CNR2: variants seen among roughly 807,000 people sequenced by gnomAD.
The protein encoded by CNR2 is cannabinoid receptor 2 (macrophage).
For missense variants in CNR2, 379 were observed against 439.9 expected (o/e 0.86, Z 1.24); for synonymous variants, 172 against 182.2 (o/e 0.94, Z 0.45).
In CNR2 at chr1:23,913,302, T is replaced by G. The variant is rs1403003920; in HGVS notation, c.-102A>C. On this transcript the variant is annotated 5_prime_UTR_variant, in exon 1 of 2. Coordinates refer to ENST00000374472, the MANE Select transcript of CNR2 (RefSeq NM_001841.3). ...CTGCCGGGGGCTGAGGAGTCCCAGT[T>G]GTTTTCTGTCCTCTCCCAGGACCTG... is the stretch of plus-strand genomic sequence containing the variant. 1 of 152,912 alleles carries G rather than the reference T, an allele frequency of 6.5e-6. No homozygotes were observed. Among genetic ancestry groups the G allele is most frequent in the Non-Finnish European group, 1.5e-5 (1 of 68,478 alleles). 9.5% of individuals were successfully genotyped at this position (152,912 alleles called of 1,614,324 possible).
At chr1:23,909,022 G>C (rs993182962) in intron 1 of CNR2, among the ~76,000 whole-genome samples, 1 of 152,030 alleles carries the variant, frequency 6.6e-6, no homozygotes, top group Non-Finnish European at 1.5e-5. Flanking sequence ...GGAAGCAGGT[G>C]GGGGAGGGGA....
intron 1 of CNR2, among the ~76,000 whole-genome samples, chr1:23,882,634 C>T (rs12759316): frequency 0.7 from 98,694 of 140,816 alleles, 35,432 homozygotes; most frequent in Non-Finnish European, 0.76. Context: ...GGTGAAACCC[C>T]GCCTCTACTA....
chr1:23,874,559 T>C lies in CNR2; in HGVS notation c.1059A>G (p.Arg353=). The change falls in exon 2 of 2, where the codon AGA becomes AGG. Residue 353 remains arginine, a synonymous_variant. Coordinates refer to ENST00000374472, the MANE Select transcript of CNR2 (RefSeq NM_001841.3). ...DGKITPWPDS[R]DLDLSDC is the part of the protein sequence containing the mutation. Reference sequence around the variant, plus strand: ...ATCAGCAATCAGAGAGGTCTAGATCTCTGGAATCTGGCCACGGAGTGATTT... The same window carrying C: ...ATCAGCAATCAGAGAGGTCTAGATCCCTGGAATCTGGCCACGGAGTGATTT... 1 of 1,613,944 alleles carries C rather than the reference T, an allele frequency of 6.2e-7. No homozygotes were observed. Among genetic ancestry groups the C allele is most frequent in the Non-Finnish European group, 8.5e-7 (1 of 1,179,952 alleles).
chr1:23,894,705 G>T (rs537849131), intron 1 of CNR2, among the ~76,000 whole-genome samples: 23 of 150,222 alleles, frequency 1.5e-4, no homozygotes, highest in African/African-American at 5.6e-4. Context: ...AGCAGAGGCT[G>T]CAGTGAGCCA....
intron 1 of CNR2, among the ~76,000 whole-genome samples, chr1:23,892,664 C>G (rs1425164475): frequency 6.6e-6 from 1 of 152,112 alleles, no homozygotes; most frequent in Admixed American, 6.6e-5. Flanking sequence ...GTTTCTAATG[C>G]CTTGCTTTTA....
intron 1 of CNR2, among the ~76,000 whole-genome samples, chr1:23,903,238 T>C (rs1322320984): frequency 6.6e-6 from 1 of 152,144 alleles, no homozygotes; most frequent in Non-Finnish European, 1.5e-5. Flanking sequence ...GTATTCTCTC[T>C]GACACATGCC....
At position 23,874,995 on chromosome 1, in the gene CNR2, GT is replaced by G; in HGVS notation, c.622del (p.Thr208ProfsTer30). The G allele has an allele frequency of 1.2e-6, 2 of 1,610,274 alleles. No homozygotes were observed. The highest frequency in any genetic ancestry group is 1.7e-6 in the Non-Finnish European group (2 of 1,178,246). On this transcript the variant is annotated frameshift_variant, in exon 2 of 2. Transcript: ENST00000374472. LOFTEE classifies it low-confidence loss of function (END_TRUNC). ...GGCCTTCCAGAGAACATGCCCATAG[GT>G]GTAGATGATTCCGGAAAAGAGGAAG... ...IAFLFSGIIY[T>X]YGHVLWKAHQ...
At chr1:23,895,631 C>T (rs571430625) in intron 1 of CNR2, among the ~76,000 whole-genome samples, 10 of 152,124 alleles carry the variant, frequency 6.6e-5, no homozygotes, top group East Asian at 5.8e-4. Context: ...CTCAGCCTCC[C>T]GAGTAGCTGG....
At chr1:23,891,902 T>G (rs1397371889) in intron 1 of CNR2, among the ~76,000 whole-genome samples, 1 of 152,164 alleles carries the variant, frequency 6.6e-6, no homozygotes, top group East Asian at 1.9e-4. Context: ...CAGTAGACTC[T>G]TGGTGGAGGT....
At chr1:23,898,279 C>T (rs1422578420) in intron 1 of CNR2, among the ~76,000 whole-genome samples, 10 of 149,912 alleles carry the variant, frequency 6.7e-5, no homozygotes, top group African/African-American at 1.5e-4. Context: ...CCTTGTGATC[C>T]GCCCGCCTCA....
intron 1 of CNR2, among the ~76,000 whole-genome samples, chr1:23,876,853 A>G (rs924031303): frequency 7.1e-6 from 1 of 140,732 alleles, no homozygotes; most frequent in African/African-American, 2.7e-5. Flanking sequence ...AAAAAAAAAA[A>G]AGATGAATGT....
At chr1:23,876,195 T>TTTTATTTATTTA (rs150599301) in intron 1 of CNR2, among the ~76,000 whole-genome samples, 8 of 147,662 alleles carry the variant, frequency 5.4e-5, no homozygotes, top group East Asian at 2.0e-4. Context: ...TTATTTTAAT[T>TTTTATTTATTTA]TTTATTTATT....
At chr1:23,895,327 G>T (rs9424397) in intron 1 of CNR2, among the ~76,000 whole-genome samples, 124,401 of 152,142 alleles carry the variant, frequency 0.82, 50,961 homozygotes, top group Admixed American at 0.84. Flanking sequence ...TTAGAGAATG[G>T]ACTAATAATG....
intron 1 of CNR2, among the ~76,000 whole-genome samples, chr1:23,906,064 C>T (rs1640481590): frequency 6.6e-6 from 1 of 152,082 alleles, no homozygotes; most frequent in Admixed American, 6.6e-5. Context: ...CCCTCGGAAC[C>T]AACTGAGAAT....
At chr1:23,911,776 G>A (rs923865816) in intron 1 of CNR2, among the ~76,000 whole-genome samples, 2 of 152,210 alleles carry the variant, frequency 1.3e-5, no homozygotes, top group Middle Eastern at 3.4e-3. Flanking sequence ...CCGGCCAAAG[G>A]GTAAAGGATA....
At chr1:23,902,194 A>G in intron 1 of CNR2, 1 of 1,360,854 alleles carries the variant, frequency 7.3e-7, no homozygotes, top group Non-Finnish European at 1.0e-6. Flanking sequence ...GGCCTTGAAG[A>G]CCACCGCCTC....
At position 23,875,442 on chromosome 1, in the gene CNR2, A is replaced by G; in HGVS notation, c.176T>C (p.Leu59Pro). The change falls in exon 2 of 2, where the codon CTG becomes CCG. Residue 59 changes from leucine to proline, a missense_variant. Transcript: ENST00000374472. ...LENVAVLYLI[L>P]SSHQLRRKPS... ...CTTCCGGCGGAGTTGGTGGGAGGAC[A>G]GGATCAGATAGAGCACAGCCACGTT... 1 of 1,614,220 alleles carries G rather than the reference A, an allele frequency of 6.2e-7. No homozygotes were observed.
At chr1:23,907,408 CAAAAAAA>C (rs58616828) in intron 1 of CNR2, among the ~76,000 whole-genome samples, 1 of 98,286 alleles carries the variant, frequency 1.0e-5, no homozygotes, top group Non-Finnish European at 2.2e-5. Flanking sequence ...GACCTTGTCT[CAAAAAAA>C]AAAAAAAAAA....
chr1:23,906,538 T>C (rs1365656152), intron 1 of CNR2, among the ~76,000 whole-genome samples: 1 of 105,574 alleles, frequency 9.5e-6, no homozygotes, highest in Non-Finnish European at 1.9e-5. Context: ...TCTTTCTTTT[T>C]TTTCTTTCTT....
Sources: allele counts gnomAD v4.1 joint callset (sites outside exome capture counted in the v4.1 genomes callset), GRCh38; gene constraint gnomAD v4.1.1; transcripts MANE v1.5; gene names NCBI Gene and HGNC (gene_info 2026-07-23, HGNC 2026-07-21).